Variants in TTN observed in about 807,000 individuals in gnomAD.
TTN encodes connectin.
Under a neutral mutation model 3,223.0 loss-of-function variants are expected in TTN, and 1,525 were observed. That is an observed-to-expected ratio of 0.47 (90% CI 0.45 to 0.49). TTN has a LOEUF of 0.49. Ranked by LOEUF, TTN falls within the 20% of genes least tolerant of loss-of-function variation. TTN has a pLI of 0.00. For synonymous variants in TTN, 14,094 were observed against 15,161.0 expected (o/e 0.93, Z 5.17); for missense variants, 40,786 against 43,424.0 (o/e 0.94, Z 5.40).
chr2:178,747,894 T>C (rs749901373), intron 47 of TTN: 4 of 1,613,174 alleles, frequency 2.5e-6, no homozygotes, highest in Non-Finnish European at 2.5e-6. Context: ...TCTTCAGTCA[T>C]CAAGAGTGGG....
intron 292 of TTN, 49 bp downstream of exon 292, chr2:178,598,457 A>AT (rs751419657): frequency 6.3e-7 from 1 of 1,574,832 alleles, no homozygotes; most frequent in Admixed American, 2.0e-5. Context: ...TAACTATGAC[A>AT]TTTTTTAGTT....
chr2:178,673,601 T>G, intron 152 of TTN, 32 bp downstream of exon 152: 1 of 1,480,644 alleles, frequency 6.8e-7, no homozygotes, highest in Middle Eastern at 1.8e-4. Context: ...TAATGGGAAG[T>G]TAAAGATATT....
Position 178,633,827 on chromosome 2 carries a change from C to A in TTN, c.42672G>T (p.Leu14224=), listed in dbSNP as rs368155350. 111 of 1,613,064 alleles carry A rather than the reference C, an allele frequency of 6.9e-5. No individual in the cohort carries two copies. The highest frequency in any genetic ancestry group is 9.2e-5 in the Non-Finnish European group (108 of 1,179,580). Reference sequence around the variant, plus strand: ...CTTGGTTACATTTACCTAAGACCTTCAGCTGTGCTGTGGAGCTCAGCTCCT... The same window carrying A: ...CTTGGTTACATTTACCTAAGACCTTAAGCTGTGCTGTGGAGCTCAGCTCCT... ...QVKELSSTAQ[L]KVLEADPYFT... Residue 14224 remains leucine, a synonymous_variant, in exon 231 of 363, where the codon CTG becomes CTT. Transcript: ENST00000589042.
intron 131 of TTN, 90 bp downstream of exon 131, chr2:178,684,576 A>G (rs2070322632): frequency 8.4e-6 from 12 of 1,429,910 alleles, no homozygotes; most frequent in Non-Finnish European, 1.2e-5. Flanking sequence ...ACCCACCAAC[A>G]TATAAACAGT....
In TTN at chr2:178,553,283, A is replaced by T; in HGVS notation, c.89617T>A (p.Trp29873Arg). Reference sequence around the variant, plus strand: ...CCAAGATTCTTCTCATCTTTTCTCCATGTGACAGTAGGTGGAGGTCTGCCT... The same window carrying T: ...CCAAGATTCTTCTCATCTTTTCTCCTTGTGACAGTAGGTGGAGGTCTGCCT... The part of the protein sequence containing the change: ...FKGRPPPTVT[W>R]RKDEKNLGSD... Residue 29873 changes from tryptophan (W) to arginine (R), a missense_variant, in exon 335 of 363, where the codon TGG (tryptophan) becomes AGG (arginine). By Grantham distance (101) the Trp-to-Arg change is moderately radical. Transcript: ENST00000589042. The T allele has an allele frequency of 1.2e-6, 2 of 1,610,314 alleles. No individual in the cohort carries two copies. The highest frequency in any genetic ancestry group is 4.5e-5 in the East Asian group (2 of 44,874).
In TTN at chr2:178,549,756, T is replaced by C. The variant is rs886043632; in HGVS notation, c.91966A>G (p.Ile30656Val). 1 of 1,613,778 alleles carries C rather than the reference T, an allele frequency of 6.2e-7. No individual in the cohort carries two copies. Residue 30656 changes from isoleucine to valine, a missense_variant, in exon 338 of 363, where the codon ATC (isoleucine) becomes GTC (valine). Physicochemically the swap from Ile to Val is conservative, Grantham distance 29. Coordinates refer to ENST00000589042, the MANE Select transcript of TTN (RefSeq NM_001267550.2). ...CTGCTGGTTTCCCGTTTTTCAATGA[T>C]GTAGTGGGTTATGGGAGCACAACCG... is the stretch of plus-strand genomic sequence containing the variant. ...NDGCAPITHY[I>V]IEKRETSRLA...
At chr2:178,798,844 A>G (rs2093903693) in intron 6 of TTN, 1 of 152,850 alleles carries the variant, frequency 6.5e-6, no homozygotes, top group Admixed American at 6.5e-5. Flanking sequence ...CCTAAATCAA[A>G]CTGTTAAGTG....
rs547224785 is a variant in TTN, at chr2:178,604,268, C to T, written c.54419G>A (p.Arg18140Gln). The T allele has an allele frequency of 9.0e-6, 14 of 1,552,092 alleles. No homozygotes were observed. In the African/African-American group the frequency reaches 9.6e-5, roughly 11 times the overall value. Reference protein sequence around the residue: ...KLIPNGQYEFRVRAVNKYGIS... With the variant: ...KLIPNGQYEFQVRAVNKYGIS... The stretch of plus-strand genomic sequence containing the variant: ...TCCATATTTATTCACTGCCCTGACT[C>T]GGAACTCATACTGACCATTGGGGAT... The change falls in exon 282 of 363, where the codon CGA (arginine) becomes CAA (glutamine). Residue 18140 changes from arginine to glutamine, a missense_variant. Coordinates refer to ENST00000589042, the MANE Select transcript of TTN (RefSeq NM_001267550.2).
rs542010331 is a variant in TTN at position 178,560,956 on chromosome 2, G to A, written c.85176C>T (p.Ala28392=). 8 of 1,613,710 alleles carry A rather than the reference G, an allele frequency of 5.0e-6. No homozygotes were observed. The Admixed American group carries it at 1.0e-4, about 20-fold the overall frequency. Residue 28392 remains alanine, a synonymous_variant, in exon 326 of 363, where the codon GCC becomes GCT. Transcript: ENST00000589042. The part of the protein sequence containing the change: ...AGRPLPVISW[A]KDGIEIEERA... ...TTTCTTCAATTTCTATACCATCCTTGGCCCAGGAAATTACTGGCAGAGGTC... is the reference window on the plus strand; with the variant it reads ...TTTCTTCAATTTCTATACCATCCTTAGCCCAGGAAATTACTGGCAGAGGTC...
chr2:178,635,758 A>G, intron 226 of TTN, 43 bp from the exon 227 acceptor site: 1 of 1,558,928 alleles, frequency 6.4e-7, no homozygotes, highest in Non-Finnish European at 8.6e-7. Context: ...AGGTCTGAAC[A>G]AGTAATATAC....
rs1292100520 is a variant in TTN at position 178,587,882 on chromosome 2, C to T, written c.63508+17G>A. Reference sequence around the variant, plus strand: ...AAATTAAGTGTGAATGAATCACATGCTAAGGGAAGGACTTACCTAGTATTT... The same window carrying T: ...AAATTAAGTGTGAATGAATCACATGTTAAGGGAAGGACTTACCTAGTATTT... On this transcript the variant is annotated intron_variant, in intron 305 of 362. Coordinates refer to ENST00000589042, the MANE Select transcript of TTN (RefSeq NM_001267550.2). 7.0e-6 allele frequency: 11 copies of T among 1,574,082 alleles called. No homozygotes were observed. Among genetic ancestry groups the T allele is most frequent in the Non-Finnish European group, 9.5e-6 (11 of 1,158,480 alleles).
chr2:178,625,606 G>T (rs1047133251), intron 240 of TTN, among the ~76,000 whole-genome samples: 1 of 151,698 alleles, frequency 6.6e-6, no homozygotes, highest in African/African-American at 2.4e-5. Flanking sequence ...AAGTTTTAGG[G>T]TACATGTGCA....
rs200476500 is a variant in TTN, at chr2:178,548,820, C to T, written c.92806G>A (p.Val30936Ile). The change falls in exon 339 of 363, where the codon GTT becomes ATT. Residue 30936 changes from valine to isoleucine, a missense_variant. Transcript: ENST00000589042. The surrounding 1 kb of genome is among the most constrained non-coding windows in gnomAD (Gnocchi z 4.3). ...DIDANFKQTHVVRAGASIRLF... is the reference protein window; with the variant it reads ...DIDANFKQTHIVRAGASIRLF... The stretch of plus-strand genomic sequence containing the variant: ...CGAATACTGGCCCCAGCTCTAACAA[C>T]ATGAGTCTGTTTGAAGTTTGCATCT... 291 of 1,612,730 alleles carry T rather than the reference C, an allele frequency of 1.8e-4. No homozygotes were observed. The highest frequency in any genetic ancestry group is 2.4e-4 in the Non-Finnish European group (285 of 1,179,808).
chr2:178,704,467 A>G (rs2075529254), intron 105 of TTN, 43 bp downstream of exon 105: 2 of 1,597,796 alleles, frequency 1.3e-6, no homozygotes, highest in East Asian at 4.5e-5. Context: ...GCTCAACAGT[A>G]ATTTAAATCT....
At chr2:178,750,109 T>C in intron 47 of TTN, 3 of 1,613,188 alleles carry the variant, frequency 1.9e-6, no homozygotes, top group Non-Finnish European at 2.5e-6. Context: ...AGGAAAGCAA[T>C]TCTGTGTCTC....
At chr2:178,630,744 C>G (rs539173248) in intron 238 of TTN, 60 bp downstream of exon 238, 3 of 1,559,412 alleles carry the variant, frequency 1.9e-6, no homozygotes, top group Admixed American at 2.0e-5. Flanking sequence ...TGACTTTCAC[C>G]TGTTCTTTTC....
chr2:178,741,986 AAGAATT>A, intron 47 of TTN, 65 bp from the exon 48 acceptor site: 1 of 1,213,872 alleles, frequency 8.2e-7, no homozygotes, highest in Non-Finnish European at 1.1e-6. Context: ...ATAGAAATCA[AAGAATT>A]AGACACCAGT....
Position 178,579,462 on chromosome 2 carries a change from A to G in TTN, c.67637-69T>C, listed in dbSNP as rs190541632. The G allele has an allele frequency of 1.0e-5, 16 of 1,567,832 alleles. No individual in the cohort carries two copies. In the African/African-American group the frequency reaches 1.7e-4, roughly 16 times the overall value. ...GCGATTAACTTTTTCAAATAGTTCTAGCTTTTAACGGATTTTTAGATAAGC... is the reference window on the plus strand; with the variant it reads ...GCGATTAACTTTTTCAAATAGTTCTGGCTTTTAACGGATTTTTAGATAAGC... On this transcript the variant is annotated intron_variant, in intron 319 of 362. Coordinates refer to ENST00000589042, the MANE Select transcript of TTN (RefSeq NM_001267550.2).
At chr2:178,638,175 A>T (rs1278570322) in intron 223 of TTN, among the ~76,000 whole-genome samples, 1 of 151,952 alleles carries the variant, frequency 6.6e-6, no homozygotes, top group Non-Finnish European at 1.5e-5. Context: ...ATATGCCCAA[A>T]TCATAAACAT....
Sources: gnomAD v4.1 joint callset for allele counts (sites outside exome capture counted in the v4.1 genomes callset) on GRCh38, gnomAD v4.1.1 for gene constraint, Gnocchi (gnomAD v3.1) non-coding constraint, MANE v1.5 for transcripts, NCBI Gene and HGNC (gene_info 2026-07-23, HGNC 2026-07-21) for gene names.